The following CNTNAP2 variants were observed in gnomAD, a reference collection of about 807,000 sequenced individuals.
CNTNAP2 encodes contactin-associated protein-like 2.
CNTNAP2 carries 98 observed loss-of-function variants against 155.2 expected under a neutral mutation model. The observed-to-expected ratio is 0.63, with a 90% CI of 0.54 to 0.75. CNTNAP2 has a LOEUF of 0.75. Ranked by LOEUF, CNTNAP2 falls within the 30% of genes least tolerant of loss-of-function variation. CNTNAP2 has a pLI of 0.00. For synonymous variants in CNTNAP2, 651 were observed against 631.2 expected (o/e 1.03, Z -0.47); for missense variants, 1,727 against 1,688.1 (o/e 1.02, Z -0.40).
chr7:148,240,689 C>T (rs556701278), intron 20 of CNTNAP2, among the ~76,000 whole-genome samples: 39 of 152,236 alleles, frequency 2.6e-4, no homozygotes, highest in Non-Finnish European at 4.3e-4. Flanking sequence ...AAGCTGAGAT[C>T]CCACAGTAGA....
chr7:146,784,370 T>G (rs1802538799), intron 2 of CNTNAP2, among the ~76,000 whole-genome samples: 1 of 152,136 alleles, frequency 6.6e-6, no homozygotes, highest in Non-Finnish European at 1.5e-5. Context: ...GAGGGGGAAG[T>G]TTGCGAATAA....
At chr7:147,627,418 T>C (rs10238490) in intron 12 of CNTNAP2, among the ~76,000 whole-genome samples, 13,668 of 151,738 alleles carry the variant, frequency 0.09, 1,712 homozygotes, top group African/African-American at 0.26. Flanking sequence ...TAAAACAAGG[T>C]GGGGCATGGT....
intron 8 of CNTNAP2, among the ~76,000 whole-genome samples, chr7:147,255,247 AG>A (rs913288283): frequency 1.3e-5 from 2 of 152,190 alleles, no homozygotes; most frequent in African/African-American, 4.8e-5. Flanking sequence ...AAACACACAC[AG>A]TCTTGCTCTA....
chr7:147,224,599 T>C (rs1000638445), intron 8 of CNTNAP2, among the ~76,000 whole-genome samples: 1 of 152,224 alleles, frequency 6.6e-6, no homozygotes, highest in Non-Finnish European at 1.5e-5. Context: ...CAGAATATTA[T>C]TAAGAAACCT....
intron 21 of CNTNAP2, among the ~76,000 whole-genome samples, chr7:148,364,215 G>A (rs544966275): frequency 2.1e-4 from 32 of 152,336 alleles, no homozygotes; most frequent in East Asian, 9.7e-4. Flanking sequence ...CAGGACTGGC[G>A]GGCAGCTCCA....
intron 18 of CNTNAP2, among the ~76,000 whole-genome samples, chr7:148,207,575 T>G (rs898445581): frequency 2.0e-5 from 3 of 152,242 alleles, no homozygotes; most frequent in Non-Finnish European, 4.4e-5. Flanking sequence ...GAAACTAACT[T>G]TCTTCCCAGA....
chr7:147,601,672 T>C (rs1025238282), intron 12 of CNTNAP2, among the ~76,000 whole-genome samples: 5 of 143,908 alleles, frequency 3.5e-5, no homozygotes, highest in African/African-American at 1.0e-4. Flanking sequence ...TATATATATA[T>C]ATACACACCA....
chr7:146,917,594 C>T (rs918071792), intron 3 of CNTNAP2, among the ~76,000 whole-genome samples: 5 of 151,966 alleles, frequency 3.3e-5, no homozygotes, highest in Admixed American at 6.6e-5. Context: ...TTTGGCTGTG[C>T]CCCCACCCAC....
At chr7:147,983,420 G>A (rs892691120) in intron 15 of CNTNAP2, among the ~76,000 whole-genome samples, 54 of 151,024 alleles carry the variant, frequency 3.6e-4, no homozygotes, top group Non-Finnish European at 4.1e-4. Flanking sequence ...CCCTTAATAG[G>A]TGATACTGTT....
chr7:147,012,252 T>C (rs1181705449), intron 3 of CNTNAP2, among the ~76,000 whole-genome samples: 1 of 152,068 alleles, frequency 6.6e-6, no homozygotes, highest in African/African-American at 2.4e-5. Flanking sequence ...ATAGTAGTAA[T>C]AGATGTAAAA....
chr7:146,320,001 C>A (rs1563036607), intron 1 of CNTNAP2, among the ~76,000 whole-genome samples: 1 of 150,872 alleles, frequency 6.6e-6, no homozygotes, highest in Admixed American at 6.6e-5. Context: ...TGTCGCCCCC[C>A]CCACCCCAGT....
intron 1 of CNTNAP2, among the ~76,000 whole-genome samples, chr7:146,350,167 T>C (rs1469548271): frequency 2.0e-5 from 3 of 152,184 alleles, no homozygotes; most frequent in Non-Finnish European, 4.4e-5. Context: ...TTTGTTCATT[T>C]CTTTTTATTC....
At chr7:148,411,993 G>C (rs990196261) in intron 23 of CNTNAP2, among the ~76,000 whole-genome samples, 5 of 152,064 alleles carry the variant, frequency 3.3e-5, no homozygotes, top group Admixed American at 6.6e-5. Flanking sequence ...TGCCAGGCTG[G>C]AGTACAGTGG....
intron 1 of CNTNAP2, among the ~76,000 whole-genome samples, chr7:146,596,457 A>C (rs1798859478): frequency 6.6e-6 from 1 of 151,974 alleles, no homozygotes; most frequent in Admixed American, 6.6e-5. Flanking sequence ...ATAGGTTATG[A>C]GCTGATGAGG....
intron 13 of CNTNAP2, among the ~76,000 whole-genome samples, chr7:147,788,441 C>T (rs561188338): frequency 6.6e-6 from 1 of 152,268 alleles, no homozygotes; most frequent in South Asian, 2.1e-4. Context: ...GATAAGCTAA[C>T]AAATACTTAG....
chr7:146,176,586 CT>C (rs752852223), intron 1 of CNTNAP2, among the ~76,000 whole-genome samples: 1 of 152,080 alleles, frequency 6.6e-6, no homozygotes, highest in Non-Finnish European at 1.5e-5. Flanking sequence ...CTCCATGAAG[CT>C]GAATTCTGCT....
intron 8 of CNTNAP2, among the ~76,000 whole-genome samples, chr7:147,148,759 C>G (rs974672464): frequency 2.0e-5 from 3 of 152,128 alleles, no homozygotes; most frequent in Admixed American, 2.0e-4. Flanking sequence ...GTTGTTTATT[C>G]CTCCTGGAGG....
chr7:147,057,396 A>T (rs1385081585), intron 4 of CNTNAP2, among the ~76,000 whole-genome samples: 4 of 151,970 alleles, frequency 2.6e-5, no homozygotes, highest in Non-Finnish European at 5.9e-5. Flanking sequence ...TCTTCTTCTT[A>T]TATCTTCTTT....
At chr7:148,399,772 G>A (rs1799544006) in intron 22 of CNTNAP2, among the ~76,000 whole-genome samples, 2 of 152,126 alleles carry the variant, frequency 1.3e-5, no homozygotes, top group South Asian at 4.1e-4. Context: ...CATTCTGGCA[G>A]GCAAATCATT....
Sources: allele counts gnomAD v4.1 joint callset (sites outside exome capture counted in the v4.1 genomes callset), GRCh38; gene constraint gnomAD v4.1.1; transcripts MANE v1.5; gene names NCBI Gene and HGNC (gene_info 2026-07-23, HGNC 2026-07-21).